Variants in CROCC observed in about 807,000 individuals in gnomAD.
CROCC encodes the protein rootletin.
Under a neutral mutation model 245.2 loss-of-function variants are expected in CROCC, and 180 were observed. The ratio of observed to expected loss-of-function variants is 0.73; its 90% CI spans 0.65 to 0.83. The LOEUF (loss-of-function observed/expected upper bound fraction) is 0.83, where lower values mean the gene tolerates loss of function less well. Ranked by LOEUF, CROCC falls within the 40% of genes least tolerant of loss-of-function variation. The pLI is 0.00. For synonymous variants in CROCC, 1,205 were observed against 1,241.6 expected, an observed-to-expected ratio of 0.97 and a Z score of 0.62; for missense variants, 2,688 against 2,779.4, an observed-to-expected ratio of 0.97 and a Z score of 0.74.
At chr1:16,950,046 G>T (rs1468349349) in intron 19 of CROCC, among the ~76,000 whole-genome samples, 3 of 151,888 alleles carry the variant, frequency 2.0e-5, no homozygotes, top group Non-Finnish European at 4.4e-5. Flanking sequence ...TGGGATTACA[G>T]GCATGAGCCA....
chr1:16,936,481 C>A (rs2075790035), intron 8 of CROCC, among the ~76,000 whole-genome samples, 156 bp from the exon 9 acceptor site: 1 of 152,284 alleles, frequency 6.6e-6, no homozygotes, highest in Non-Finnish European at 1.5e-5. Context: ...GTTGGCCAGG[C>A]TGGTCTCGAA....
At chr1:16,938,848 C>A in intron 11 of CROCC, 61 bp from the exon 12 acceptor site, 1 of 1,523,238 alleles carries the variant, frequency 6.6e-7, no homozygotes, top group Non-Finnish European at 9.0e-7. Context: ...GCGTCTTTGC[C>A]CAGCTAACCC....
chr1:16,930,288 C>A lies in CROCC; in HGVS notation c.624C>A (p.Asp208Glu), dbSNP rs192573333. Residue 208 changes from aspartate (D) to glutamate (E), a missense_variant and splice_region_variant, in exon 6 of 37, where the codon GAC becomes GAA. By Grantham distance (45) the Asp-to-Glu change is conservative. Transcript: ENST00000375541. The part of the protein sequence containing the change: ...SGELEQQRLR[D>E]TEHSQDLESA... ...GCTTTAACCTCTCTCCCACCCAGGA[C>A]ACAGAGCACAGCCAAGACCTGGAAA... is the stretch of plus-strand genomic sequence containing the variant. 5.2e-5 allele frequency: 84 copies of A among 1,603,884 alleles called. No homozygotes were observed. In the East Asian group the frequency reaches 1.7e-3, roughly 33 times the overall value.
Position 16,951,116 on chromosome 1 carries a change from TGAA to T in CROCC, c.3001_3003del (p.Glu1001del). 6.5e-7 allele frequency: 1 copy of T among 1,539,958 alleles called. No homozygotes were observed. The highest frequency in any genetic ancestry group is 1.2e-5 in the South Asian group (1 of 81,696). On this transcript the variant is annotated inframe_deletion, in exon 20 of 37. Transcript: ENST00000375541. Reference sequence around the variant, plus strand: ...AGGAGGACTTACAGCGACTCCAGCGTGAAAAGGTTCAGGCAGCTGGGGAGGGGT... The same window carrying T: ...AGGAGGACTTACAGCGACTCCAGCGTAAGGTTCAGGCAGCTGGGGAGGGGT...
In CROCC at chr1:16,939,013, G is replaced by A. The variant is rs1240042249; in HGVS notation, c.1479G>A (p.Pro493=). 7 of 1,602,018 alleles carry A rather than the reference G, an allele frequency of 4.4e-6. No homozygotes were observed. Among genetic ancestry groups the A allele is most frequent in the African/African-American group, 1.3e-5 (1 of 74,310 alleles). The change falls in exon 12 of 37, where the codon CCG becomes CCA. Residue 493 remains proline (P), a synonymous_variant. Transcript: ENST00000375541. ...GGGGGCTCTCGGGCCAGCGGACCCC[G>A]TCCCCACCGCGGCGCTCCTCGCCCG... ...SLRGLSGQRT[P]SPPRRSSPGR...
At chr1:16,943,790 G>T (rs746175088) in intron 13 of CROCC, among the ~76,000 whole-genome samples, 1 of 152,276 alleles carries the variant, frequency 6.6e-6, no homozygotes, top group Non-Finnish European at 1.5e-5. Context: ...TAGCAGAGCT[G>T]GTGGCACAAT....
chr1:16,961,686 T>G (rs2076337059), intron 27 of CROCC, among the ~76,000 whole-genome samples: 1 of 151,960 alleles, frequency 6.6e-6, no homozygotes, highest in South Asian at 2.1e-4. Context: ...TCCCTCTGCC[T>G]TGGCAGCCTG....
chr1:16,944,747 TAGC>T (rs1416533148), intron 14 of CROCC, among the ~76,000 whole-genome samples: 13 of 152,230 alleles, frequency 8.5e-5, no homozygotes, highest in Admixed American at 4.6e-4. Context: ...GTCACACAGT[TAGC>T]AGAAGAGCCA....
At chr1:16,957,323 C>G (rs1444131596) in intron 25 of CROCC, among the ~76,000 whole-genome samples, 3 of 152,168 alleles carry the variant, frequency 2.0e-5, no homozygotes, top group African/African-American at 7.2e-5. Flanking sequence ...GGGAGTATCC[C>G]TTGAGCCCAG....
rs566162452 is a variant in CROCC, at chr1:16,966,128, G to C, written c.4696+9G>C. On this transcript the variant is annotated intron_variant, in intron 29 of 36. Coordinates refer to ENST00000375541, the MANE Select transcript of CROCC (RefSeq NM_014675.5). The surrounding 1 kb of genome is among the most constrained non-coding windows in gnomAD (Gnocchi z 4.8). ...GGCTGAGAGTGAGGAAGGTGAGTCT[G>C]ATCCTCGGGGTCCCTGTTCTCTCTC... 69 of 1,605,670 alleles carry C rather than the reference G, an allele frequency of 4.3e-5. 1 individual carries two copies. In the South Asian group the frequency reaches 7.2e-4, roughly 17 times the overall value.
At chr1:16,938,570 C>T in intron 11 of CROCC, 87 bp downstream of exon 11, 1 of 1,260,540 alleles carries the variant, frequency 7.9e-7, no homozygotes, top group Non-Finnish European at 1.1e-6. Flanking sequence ...TGGGACTGAA[C>T]TGCAAATGGG....
At position 16,966,592 on chromosome 1, in the gene CROCC, A is replaced by G. The variant is rs1423476219; in HGVS notation, c.4860+21A>G. 6.9e-7 allele frequency: 1 copy of G among 1,457,638 alleles called. No individual in the cohort carries two copies. The highest frequency in any genetic ancestry group is 9.0e-7 in the Non-Finnish European group (1 of 1,107,694). The allele number at this position is 1,457,638 out of a possible 1,614,324, so 90.3% of individuals were successfully genotyped here. Reference sequence around the variant, plus strand: ...GCCAGGTGGGCAGGAGCTGAGGGCCAGCGGGGCGACGGGGAATCTGTGTAC... The same window carrying G: ...GCCAGGTGGGCAGGAGCTGAGGGCCGGCGGGGCGACGGGGAATCTGTGTAC... On this transcript the variant is annotated intron_variant, in intron 30 of 36. Transcript: ENST00000375541. This position sits in a 1 kb window ranked among gnomAD's most constrained non-coding sequence, Gnocchi z 4.8.
At chr1:16,924,865 G>A (rs1385615434) in intron 3 of CROCC, among the ~76,000 whole-genome samples, 6 of 152,380 alleles carry the variant, frequency 3.9e-5, no homozygotes, top group South Asian at 4.1e-4. Context: ...GGGTTGAGGC[G>A]GTGGCTGGAT....
chr1:16,936,527 C>T (rs2075791044), intron 8 of CROCC, 110 bp from the exon 9 acceptor site: 4 of 1,177,662 alleles, frequency 3.4e-6, no homozygotes, highest in Non-Finnish European at 3.5e-6. Context: ...CCTTGGCCTC[C>T]TGAAGTGCTG....
At chr1:16,936,992 A>G in intron 9 of CROCC, 119 bp downstream of exon 9, 2 of 1,101,178 alleles carry the variant, frequency 1.8e-6, no homozygotes, top group Non-Finnish European at 2.7e-6. Context: ...GAGCTCAGCC[A>G]GTCTTCCCAT....
intron 8 of CROCC, among the ~76,000 whole-genome samples, chr1:16,931,990 C>T (rs963585159): frequency 6.6e-6 from 1 of 151,910 alleles, no homozygotes; most frequent in Non-Finnish European, 1.5e-5. Context: ...TGGTCTCGAA[C>T]TCCTGAGCTC....
intron 8 of CROCC, among the ~76,000 whole-genome samples, chr1:16,935,646 G>T (rs565329335): frequency 6.6e-6 from 1 of 152,230 alleles, no homozygotes. Context: ...GGATGGTCTC[G>T]ATCTCCCGAC....
chr1:16,929,016 G>A (rs1324778466), intron 3 of CROCC, among the ~76,000 whole-genome samples: 3 of 152,106 alleles, frequency 2.0e-5, no homozygotes, highest in Admixed American at 6.5e-5. Flanking sequence ...TAGTAGAGAC[G>A]GGGTTTCATC....
rs538187761 is a variant in CROCC at position 16,924,593 on chromosome 1, C to T, written c.351+114C>T. Reference sequence around the variant, plus strand: ...AAGATGGGCCCTGGAGTCAGGTTGGCCTGGGCTTGGATTGAGGCTCTGCCA... The same window carrying T: ...AAGATGGGCCCTGGAGTCAGGTTGGTCTGGGCTTGGATTGAGGCTCTGCCA... On this transcript the variant is annotated intron_variant, in intron 3 of 36. Transcript: ENST00000375541. 25 of 1,411,854 alleles carry T rather than the reference C, an allele frequency of 1.8e-5. No individual in the cohort carries two copies. In the African/African-American group the frequency reaches 3.1e-4, roughly 17 times the overall value. The allele number at this position is 1,411,854 out of a possible 1,614,324, so 87.5% of individuals were successfully genotyped here. A position where few individuals can be genotyped will look rare whatever the true frequency, so the allele number is the denominator to read the frequency against.
Sources: allele counts gnomAD v4.1 joint callset (sites outside exome capture counted in the v4.1 genomes callset), GRCh38; gene constraint gnomAD v4.1.1; non-coding constraint Gnocchi (gnomAD v3.1); transcripts MANE v1.5; gene names NCBI Gene and HGNC (gene_info 2026-07-23, HGNC 2026-07-21).